Variants in UGGT2 observed in about 807,000 individuals in gnomAD.
UGGT2 encodes the protein UDP-glucose:glycoprotein glucosyltransferase 2.
A neutral mutation model predicts 192.1 loss-of-function variants in UGGT2; 180 were observed. The observed-to-expected ratio is 0.94, with a 90% CI of 0.83 to 1.06. The LOEUF is 1.06. Ranked by LOEUF, UGGT2 falls within the 50% of genes least tolerant of loss-of-function variation. The probability of loss-of-function intolerance (pLI) is 0.00; values close to 1 mark genes in which losing one functional copy is unlikely to be tolerated. For missense variants in UGGT2, 1,849 were observed against 1,795.7 expected, an observed-to-expected ratio of 1.03 and a Z score of -0.54; for synonymous variants, 580 against 591.0, an observed-to-expected ratio of 0.98 and a Z score of 0.27.
chr13:95,944,060 GA>G (rs1229933342), intron 15 of UGGT2, among the ~76,000 whole-genome samples: 7 of 151,814 alleles, frequency 4.6e-5, no homozygotes, highest in Admixed American at 4.6e-4. Context: ...GAGATTCTTT[GA>G]ATTTGCAAAT....
chr13:96,045,865 C>T (rs963926422), intron 1 of UGGT2, among the ~76,000 whole-genome samples: 8 of 152,092 alleles, frequency 5.3e-5, no homozygotes, highest in East Asian at 1.9e-4. Context: ...CCATACCCCA[C>T]GCTCATGGAT....
intron 29 of UGGT2, among the ~76,000 whole-genome samples, chr13:95,868,857 C>T (rs1216790431): frequency 6.6e-6 from 1 of 151,824 alleles, no homozygotes; most frequent in African/African-American, 2.4e-5. Flanking sequence ...GTAATGGTGA[C>T]GAGCTCTCAT....
chr13:95,904,999 G>A (rs2048237616), intron 20 of UGGT2, among the ~76,000 whole-genome samples: 2 of 151,962 alleles, frequency 1.3e-5, no homozygotes, highest in South Asian at 4.2e-4. Flanking sequence ...TAACTGGTGT[G>A]AGATGGTATC....
At chr13:95,834,989 G>A (rs1293004654) in intron 37 of UGGT2, among the ~76,000 whole-genome samples, 2 of 152,092 alleles carry the variant, frequency 1.3e-5, no homozygotes, top group Non-Finnish European at 2.9e-5. Flanking sequence ...AGGAATAGGT[G>A]AAATAAATTT....
In UGGT2 at chr13:95,986,343, T is replaced by C. The variant is rs767709449; in HGVS notation, c.1021A>G (p.Ile341Val). The C allele has an allele frequency of 2.5e-6, 4 of 1,591,822 alleles. No individual in the cohort carries two copies. The highest frequency in any genetic ancestry group is 2.6e-6 in the Non-Finnish European group (3 of 1,161,990). The change falls in exon 9 of 39, where the codon ATA becomes GTA. Residue 341 changes from isoleucine (I) to valine (V), a missense_variant. Coordinates refer to ENST00000376747, the MANE Select transcript of UGGT2 (RefSeq NM_020121.4). ...TAAACTTTAACATACCTGGCTTTTA[T>C]GGGGAAGTTCTGTGAAATGTCTTTC... ...LMKDISQNFPIKARSLTRIAV... is the reference protein window; with the variant it reads ...LMKDISQNFPVKARSLTRIAV...
chr13:95,892,498 T>C (rs1052903602), intron 24 of UGGT2, among the ~76,000 whole-genome samples: 21 of 151,888 alleles, frequency 1.4e-4, no homozygotes, highest in African/African-American at 4.6e-4. Flanking sequence ...ATTATTAAAG[T>C]CCATGTCAGA....
At chr13:95,942,509 T>C (rs1291192026) in intron 15 of UGGT2, among the ~76,000 whole-genome samples, 1 of 152,190 alleles carries the variant, frequency 6.6e-6, no homozygotes, top group East Asian at 1.9e-4. Context: ...TTTTCAAATT[T>C]GTAAGATAAT....
intron 5 of UGGT2, among the ~76,000 whole-genome samples, chr13:96,006,865 G>A (rs537607424): frequency 5.9e-5 from 9 of 152,154 alleles, no homozygotes; most frequent in African/African-American, 1.9e-4. Context: ...AGGAAAGGCA[G>A]GACTGCCATC....
chr13:95,987,097 G>A (rs1198007066), intron 8 of UGGT2, among the ~76,000 whole-genome samples: 1 of 152,046 alleles, frequency 6.6e-6, no homozygotes, highest in Non-Finnish European at 1.5e-5. Flanking sequence ...TTTAGCTTAA[G>A]GACAGGATAC....
At position 95,801,823 on chromosome 13, in the gene UGGT2, G is replaced by C; in HGVS notation, c.4529-11C>G. 1 of 1,613,408 alleles carries C rather than the reference G, an allele frequency of 6.2e-7. No homozygotes were observed. ...CATCATGTGTCAAAACTATAAGGGA[G>C]AAAAGTTTATTTAGCTTCTGGCATC... On this transcript the variant is annotated splice_polypyrimidine_tract_variant and intron_variant, in intron 38 of 38. Coordinates refer to ENST00000376747, the MANE Select transcript of UGGT2 (RefSeq NM_020121.4).
At chr13:95,885,147 T>C (rs1431597861) in intron 26 of UGGT2, among the ~76,000 whole-genome samples, 1 of 152,192 alleles carries the variant, frequency 6.6e-6, no homozygotes, top group Non-Finnish European at 1.5e-5. Context: ...TAAAAACAAA[T>C]AGGATTAAGT....
intron 33 of UGGT2, among the ~76,000 whole-genome samples, chr13:95,857,827 A>G (rs1469309664): frequency 2.0e-5 from 3 of 152,134 alleles, no homozygotes; most frequent in African/African-American, 7.2e-5. Context: ...ACATAGCACT[A>G]TTGTTCTGGT....
chr13:95,913,357 T>C (rs941845371), intron 20 of UGGT2, among the ~76,000 whole-genome samples: 2 of 151,962 alleles, frequency 1.3e-5, no homozygotes, highest in Non-Finnish European at 2.9e-5. Context: ...AGGGCTAATA[T>C]CCAGAATCTA....
chr13:95,936,522 G>A (rs1258147133), intron 17 of UGGT2, among the ~76,000 whole-genome samples: 3 of 152,246 alleles, frequency 2.0e-5, no homozygotes, highest in Non-Finnish European at 4.4e-5. Flanking sequence ...CTGCCTACAG[G>A]TACCCCAACG....
intron 12 of UGGT2, among the ~76,000 whole-genome samples, chr13:95,952,610 G>A (rs2050101271): frequency 6.6e-6 from 1 of 151,902 alleles, no homozygotes; most frequent in South Asian, 2.1e-4. Flanking sequence ...CAGGCATGTG[G>A]AACCCTTGGA....
At chr13:95,854,065 A>G (rs915251243) in intron 35 of UGGT2, among the ~76,000 whole-genome samples, 25 of 152,192 alleles carry the variant, frequency 1.6e-4, no homozygotes, top group African/African-American at 6.0e-4. Flanking sequence ...AATTACATGA[A>G]TGCTGTATGC....
chr13:96,040,132 C>T (rs1033561242), intron 1 of UGGT2, among the ~76,000 whole-genome samples: 7 of 152,204 alleles, frequency 4.6e-5, no homozygotes, highest in African/African-American at 1.7e-4. Context: ...GTTACAGCAG[C>T]ACCCAACTTT....
At position 95,937,085 on chromosome 13, in the gene UGGT2, C is replaced by G. The variant is rs1053007820; in HGVS notation, c.1816G>C (p.Gly606Arg). ...HSKYDEERKA[G>R]ASFYKMTGLG... Reference sequence around the variant, plus strand: ...CCAGTCATCTTATAAAAGCTTGCTCCAGCCTATTCAGTTAAAAAATATCAG... The same window carrying G: ...CCAGTCATCTTATAAAAGCTTGCTCGAGCCTATTCAGTTAAAAAATATCAG... Residue 606 changes from glycine to arginine, a missense_variant, in exon 17 of 39, where the codon GGA becomes CGA. Transcript: ENST00000376747. The G allele has an allele frequency of 6.3e-7, 1 of 1,585,036 alleles. No individual in the cohort carries two copies. Among genetic ancestry groups the G allele is most frequent in the African/African-American group, 1.4e-5 (1 of 72,794 alleles).
intron 20 of UGGT2, among the ~76,000 whole-genome samples, chr13:95,919,446 A>G (rs1283509318): frequency 6.6e-6 from 1 of 152,214 alleles, no homozygotes; most frequent in East Asian, 1.9e-4. Flanking sequence ...TGCAGATAAC[A>G]TGATCTTATA....
Sources: gnomAD v4.1 joint callset for allele counts (sites outside exome capture counted in the v4.1 genomes callset) on GRCh38, gnomAD v4.1.1 for gene constraint, MANE v1.5 for transcripts, NCBI Gene and HGNC (gene_info 2026-07-23, HGNC 2026-07-21) for gene names.